MACF1: variants seen among roughly 807,000 people sequenced by gnomAD.
MACF1 encodes the protein microtubule-actin cross-linking factor 1.
In MACF1, 193 loss-of-function variants were observed where a neutral mutation model predicts 854.8. The observed-to-expected ratio is 0.23, with a 90% CI of 0.20 to 0.25. The LOEUF is 0.25. MACF1 is among the 10% of genes least tolerant of loss of function. MACF1 has a pLI of 1.00. For missense variants in MACF1, 7,722 were observed against 8,929.1 expected (o/e 0.86, Z 5.45); for synonymous variants, 3,185 against 3,226.7 (o/e 0.99, Z 0.44).
Position 39,303,006 on chromosome 1 carries a change from A to G in MACF1, c.2717A>G (p.Asn906Ser), listed in dbSNP as rs1646081354. ...TGGAAAGTGATCAGCCCCACAGGGA[A>G]CGAGGCAATGGTGCCGTCAGTCTGC... ...TKWKVISPTG[N>S]EAMVPSVCFL... The change falls in exon 23 of 101, where the codon AAC (asparagine) becomes AGC (serine). Residue 906 changes from asparagine (N) to serine (S), a missense_variant. Physicochemically the swap from Asn to Ser is conservative, Grantham distance 46. Coordinates refer to ENST00000564288, the MANE Select transcript of MACF1 (RefSeq NM_001394062.1). 1 of 1,614,090 alleles carries G rather than the reference A, an allele frequency of 6.2e-7. No individual in the cohort carries two copies. The highest frequency in any genetic ancestry group is 1.1e-5 in the South Asian group (1 of 91,080).
At chr1:39,120,581 C>G (rs971031841) in intron 2 of MACF1, among the ~76,000 whole-genome samples, 4 of 152,070 alleles carry the variant, frequency 2.6e-5, no homozygotes, top group Non-Finnish European at 5.9e-5. Context: ...CCAGGCAGGT[C>G]TCGAACTCCT....
rs1645602359 is a variant in MACF1, at chr1:39,284,132, C to T, written c.982C>T (p.His328Tyr). The T allele has an allele frequency of 6.2e-7, 1 of 1,613,882 alleles. No homozygotes were observed. The highest frequency in any genetic ancestry group is 1.3e-5 in the African/African-American group (1 of 74,910). Residue 328 changes from histidine (H) to tyrosine (Y), a missense_variant, in exon 10 of 101, where the codon CAT becomes TAT. Around this residue, in one of 15 missense-constraint regions of MACF1, gnomAD observed 97 missense variants for 130.4 expected, o/e 0.74. Transcript: ENST00000564288. ...CTCCCTCATTCCCTGGATCAAACAGCATACAATACTGATGTCAGATAAAAC... is the reference window on the plus strand; with the variant it reads ...CTCCCTCATTCCCTGGATCAAACAGTATACAATACTGATGTCAGATAAAAC... ...VDSLIPWIKQ[H>Y]TILMSDKTFP...
At chr1:39,411,811 G>C (rs1220998462) in intron 58 of MACF1, 1 of 1,613,766 alleles carries the variant, frequency 6.2e-7, no homozygotes, top group South Asian at 1.1e-5. Flanking sequence ...GGCTGCCTTA[G>C]AAAAGGAACA....
intron 2 of MACF1, among the ~76,000 whole-genome samples, chr1:39,135,258 A>C (rs1643134945): frequency 6.6e-6 from 1 of 151,996 alleles, no homozygotes; most frequent in Admixed American, 6.6e-5. Context: ...TAATTAATTA[A>C]TTTATTTAGA....
rs1235723393 is a variant in MACF1 at position 39,448,625 on chromosome 1, C to T, written c.20120C>T (p.Pro6707Leu). 2.5e-6 allele frequency: 4 copies of T among 1,593,760 alleles called. No individual in the cohort carries two copies. The highest frequency in any genetic ancestry group is 3.4e-6 in the Non-Finnish European group (4 of 1,168,998). Residue 6707 changes from proline (P) to leucine (L), a missense_variant, in exon 84 of 101, where the codon CCT (proline) becomes CTT (leucine). Around this residue, in one of 15 missense-constraint regions of MACF1, gnomAD observed 729 missense variants for 900.5 expected, o/e 0.81. Coordinates refer to ENST00000564288, the MANE Select transcript of MACF1 (RefSeq NM_001394062.1). ...EFQKTLGGKQ[P>L]VYDTTIRTGR... ...CAGAAGACTCTTGGTGGCAAGCAGC[C>T]TGTGTATGATACCACAATTAGAACT...
At chr1:39,429,193 T>A in intron 63 of MACF1, 49 bp from the exon 64 acceptor site, 1 of 948,778 alleles carries the variant, frequency 1.1e-6, no homozygotes, top group Non-Finnish European at 1.7e-6. Context: ...GCATTTTGTT[T>A]CATTTGTAGT....
In MACF1 at chr1:39,231,239, T is replaced by C. The variant is rs1557531303; in HGVS notation, c.167T>C (p.Met56Thr). Residue 56 changes from methionine to threonine, a missense_variant, in exon 2 of 101, where the codon ATG becomes ACG. Met to Thr is a moderately conservative substitution (Grantham distance 81). This residue lies in a region of MACF1 where 82 missense variants were observed against 84.0 expected (regional missense o/e 0.98). Transcript: ENST00000564288. ...TFTKWVNKHL[M>T]KVRKHINDLY... ...ACCAAGTGGGTCAACAAGCACTTAA[T>C]GAAGGTAGGACCCTTTCATATATAT... is the stretch of plus-strand genomic sequence containing the variant. 4.3e-6 allele frequency: 7 copies of C among 1,614,104 alleles called. No homozygotes were observed. Among genetic ancestry groups the C allele is most frequent in the Non-Finnish European group, 5.9e-6 (7 of 1,179,914 alleles).
intron 2 of MACF1, among the ~76,000 whole-genome samples, chr1:39,172,185 G>C (rs910619150): frequency 2.0e-5 from 3 of 152,134 alleles, no homozygotes; most frequent in Non-Finnish European, 4.4e-5. Flanking sequence ...ATTTTATATA[G>C]AAGGGAGCAT....
intron 58 of MACF1, among the ~76,000 whole-genome samples, chr1:39,405,095 A>G (rs909450905): frequency 4.6e-5 from 7 of 152,206 alleles, no homozygotes; most frequent in Admixed American, 3.9e-4. Flanking sequence ...GAGTGTGTGG[A>G]AAGTTTTCTC....
At position 39,395,369 on chromosome 1, in the gene MACF1, T is replaced by C. The variant is rs774698447; in HGVS notation, c.15816+6711T>C. On this transcript the variant is annotated intron_variant, in intron 58 of 100. Coordinates refer to ENST00000564288, the MANE Select transcript of MACF1 (RefSeq NM_001394062.1). ...ATTTATGTAACAAGCAGCCTTCTGA[T>C]AATCTGATTATGACTGTGTGTAGTG... 3.9e-5 allele frequency among the ~76,000 whole-genome samples: 6 copies of C among 152,376 alleles called. 1 individual carries two copies. In the South Asian group the frequency reaches 1.0e-3, roughly 26 times the overall value.
chr1:39,467,458 ATGTT>A (rs1200085613), intron 95 of MACF1, among the ~76,000 whole-genome samples: 4 of 152,078 alleles, frequency 2.6e-5, no homozygotes, highest in African/African-American at 4.8e-5. Flanking sequence ...CTCCTACCAG[ATGTT>A]TGTTTGTTTT....
At chr1:39,091,791 C>A (rs1400941388) in intron 2 of MACF1, among the ~76,000 whole-genome samples, 1 of 152,230 alleles carries the variant, frequency 6.6e-6, no homozygotes, top group African/African-American at 2.4e-5. Flanking sequence ...CTGCACCCGG[C>A]TGCCCTTGAT....
At position 39,329,252 on chromosome 1, in the gene MACF1, A is replaced by G. The variant is rs1411313153; in HGVS notation, c.4614+1899A>G. Among the ~76,000 whole-genome samples the G allele has an allele frequency of 3.3e-5, 5 of 152,332 alleles. No homozygotes were observed. In the East Asian group the frequency reaches 5.8e-4, roughly 18 times the overall value. On this transcript the variant is annotated intron_variant, in intron 36 of 100. Coordinates refer to ENST00000564288, the MANE Select transcript of MACF1 (RefSeq NM_001394062.1). ...GTCAGTTATTCCATTGATTGAACACATATGTAGAAATGGAGATGAGAACCA... is the reference window on the plus strand; with the variant it reads ...GTCAGTTATTCCATTGATTGAACACGTATGTAGAAATGGAGATGAGAACCA...
intron 2 of MACF1, among the ~76,000 whole-genome samples, chr1:39,160,269 C>T (rs1418948278): frequency 6.6e-6 from 1 of 152,178 alleles, no homozygotes; most frequent in East Asian, 1.9e-4. Flanking sequence ...ACCCAAATAA[C>T]ACAGCAAAGA....
intron 40 of MACF1, among the ~76,000 whole-genome samples, chr1:39,341,574 C>G (rs1476747832): frequency 1.3e-5 from 2 of 151,390 alleles, no homozygotes; most frequent in East Asian, 2.0e-4. Flanking sequence ...GGCAGGCACC[C>G]GTAATCCCAG....
chr1:39,285,500 CTTT>C (rs75602935), intron 13 of MACF1, 101 bp from the exon 14 acceptor site: 2,102 of 1,306,266 alleles, frequency 1.6e-3, no homozygotes, highest in Non-Finnish European at 1.8e-3. Context: ...TATTATTTCC[CTTT>C]TTTTTTTTTT....
rs1015245217 is a variant in MACF1, at chr1:39,370,272, T to G, written c.13095+86T>G. 4.0e-6 allele frequency: 5 copies of G among 1,245,976 alleles called. No individual in the cohort carries two copies. In the African/African-American group the frequency reaches 7.6e-5, roughly 19 times the overall value. 77.2% of individuals were successfully genotyped at this position (1,245,976 alleles called of 1,614,324 possible). On this transcript the variant is annotated intron_variant, in intron 51 of 100. Coordinates refer to ENST00000564288, the MANE Select transcript of MACF1 (RefSeq NM_001394062.1). ...CTGGTCTCCAGCTGTGGTGGGGAAA[T>G]GTATGAGAAATCCAAGTTGTCAGTC... is the stretch of plus-strand genomic sequence containing the variant.
At chr1:39,260,018 A>G (rs1404621680) in intron 6 of MACF1, among the ~76,000 whole-genome samples, 1 of 152,254 alleles carries the variant, frequency 6.6e-6, no homozygotes, top group African/African-American at 2.4e-5. Context: ...AAGGTGACCA[A>G]TAATAGTTCC....
intron 23 of MACF1, among the ~76,000 whole-genome samples, chr1:39,308,675 A>G (rs548097496): frequency 1.9e-3 from 296 of 151,938 alleles, no homozygotes; most frequent in Non-Finnish European, 2.9e-3. Flanking sequence ...TTTTTCTTGA[A>G]ATGGAGTTCT....
Sources: allele counts gnomAD v4.1 joint callset (sites outside exome capture counted in the v4.1 genomes callset), GRCh38; gene constraint gnomAD v4.1.1; regional missense constraint gnomAD v4.1.1; transcripts MANE v1.5; gene names NCBI Gene and HGNC (gene_info 2026-07-23, HGNC 2026-07-21).